SLC8A1: variants seen among roughly 807,000 people sequenced by gnomAD.
SLC8A1 encodes the protein solute carrier family 8 member A1.
A neutral mutation model predicts 68.3 loss-of-function variants in SLC8A1; 18 were observed. That is an observed-to-expected ratio of 0.26 (90% CI 0.18 to 0.39). SLC8A1 has a LOEUF of 0.39. SLC8A1 is among the 10% of genes least tolerant of loss of function. The pLI, the probability that SLC8A1 is intolerant of heterozygous loss-of-function variation, is 1.00. For missense variants in SLC8A1, 985 were observed against 1,156.7 expected, an observed-to-expected ratio of 0.85 and a Z score of 2.15; for synonymous variants, 475 against 415.5, an observed-to-expected ratio of 1.14 and a Z score of -1.74.
chr2:40,216,773 A>G (rs1242875250), intron 2 of SLC8A1, among the ~76,000 whole-genome samples: 1 of 152,072 alleles, frequency 6.6e-6, no homozygotes, highest in South Asian at 2.1e-4. Flanking sequence ...GCTTCTTTTC[A>G]TATTTTTGTT....
At chr2:40,108,581 ATTTCT>A (rs1337406306) in exon 8 of SLC8A1, 1 of 152,174 alleles carries the variant, frequency 6.6e-6, no homozygotes, top group African/African-American at 2.4e-5. Flanking sequence ...TCCTTGGAGT[ATTTCT>A]CAAACTTGAG....
chr2:40,213,446 A>G (rs2148793046), intron 2 of SLC8A1: 1 of 152,330 alleles, frequency 6.6e-6, no homozygotes, highest in Non-Finnish European at 1.5e-5. Flanking sequence ...ATCACCAGCA[A>G]CTAAATCTTG....
intron 2 of SLC8A1, among the ~76,000 whole-genome samples, chr2:40,276,034 G>A (rs1002018524): frequency 2.0e-5 from 3 of 152,206 alleles, no homozygotes; most frequent in African/African-American, 7.2e-5. Context: ...TCAAAAAGTG[G>A]TATGCAGCTA....
At chr2:40,445,049 G>A (rs1476655073) in intron 1 of SLC8A1, among the ~76,000 whole-genome samples, 2 of 152,152 alleles carry the variant, frequency 1.3e-5, no homozygotes, top group Non-Finnish European at 2.9e-5. Flanking sequence ...TCAGTAATGA[G>A]CTAACAGTTG....
At chr2:40,109,283 G>A (rs539328141) in exon 8 of SLC8A1, 12 of 152,100 alleles carry the variant, frequency 7.9e-5, no homozygotes, top group African/African-American at 2.7e-4. Context: ...TATCTGTTAC[G>A]TTTTTCTATG....
chr2:40,293,142 C>T (rs907201800), intron 2 of SLC8A1, among the ~76,000 whole-genome samples: 10 of 152,074 alleles, frequency 6.6e-5, no homozygotes, highest in African/African-American at 1.2e-4. Context: ...GCCTGAACAC[C>T]TAAGTTAACT....
intron 2 of SLC8A1, among the ~76,000 whole-genome samples, chr2:40,258,724 C>A (rs2064282507): frequency 6.6e-6 from 1 of 151,914 alleles, no homozygotes; most frequent in Non-Finnish European, 1.5e-5. Context: ...CACCTGTAAC[C>A]CTAGCTACAT....
intron 2 of SLC8A1, among the ~76,000 whole-genome samples, chr2:40,302,906 T>G (rs1254238538): frequency 6.6e-6 from 1 of 152,136 alleles, no homozygotes; most frequent in Admixed American, 6.6e-5. Context: ...ACCTTACTCC[T>G]GCAAGAATGG....
At chr2:40,440,315 G>C (rs920050678) in intron 1 of SLC8A1, among the ~76,000 whole-genome samples, 1 of 152,040 alleles carries the variant, frequency 6.6e-6, no homozygotes, top group Non-Finnish European at 1.5e-5. Context: ...TCACAAAGGT[G>C]GTCCTAAAAG....
At chr2:40,336,274 T>C (rs924593538) in intron 2 of SLC8A1, among the ~76,000 whole-genome samples, 6 of 152,178 alleles carry the variant, frequency 3.9e-5, no homozygotes, top group African/African-American at 1.4e-4. Context: ...GGGAAACATA[T>C]TTATATCACA....
intron 2 of SLC8A1, among the ~76,000 whole-genome samples, chr2:40,226,025 G>T (rs901351396): frequency 2.0e-5 from 3 of 152,054 alleles, no homozygotes; most frequent in Non-Finnish European, 4.4e-5. Flanking sequence ...TTCTGCACAG[G>T]CTTGTGATGA....
intron 2 of SLC8A1, among the ~76,000 whole-genome samples, chr2:40,359,669 T>G (rs1432858183): frequency 6.6e-6 from 1 of 152,086 alleles, no homozygotes; most frequent in African/African-American, 2.4e-5. Context: ...TAGTAATGAA[T>G]TGAGTATGTT....
At chr2:40,450,045 T>C (rs1157718572) in intron 1 of SLC8A1, among the ~76,000 whole-genome samples, 1 of 152,156 alleles carries the variant, frequency 6.6e-6, no homozygotes, top group Non-Finnish European at 1.5e-5. Context: ...AGAGCACACA[T>C]CTTGCCTCTT....
At chr2:40,387,373 G>C (rs1683889017) in intron 2 of SLC8A1, among the ~76,000 whole-genome samples, 1 of 151,336 alleles carries the variant, frequency 6.6e-6, no homozygotes, top group African/African-American at 2.5e-5. Flanking sequence ...ATTCACACAG[G>C]GGTAGGATGG....
chr2:40,373,768 G>A (rs1205971635), intron 2 of SLC8A1, among the ~76,000 whole-genome samples: 1 of 152,038 alleles, frequency 6.6e-6, no homozygotes, highest in African/African-American at 2.4e-5. Flanking sequence ...AAGGCTTAAT[G>A]GCAGGTGGCA....
chr2:40,173,957 A>G (rs529893407), intron 4 of SLC8A1, among the ~76,000 whole-genome samples: 20 of 152,318 alleles, frequency 1.3e-4, no homozygotes, highest in African/African-American at 4.8e-4. Context: ...TGTACACAAG[A>G]ATATAGTTTT....
intron 1 of SLC8A1, among the ~76,000 whole-genome samples, chr2:40,439,720 C>T (rs1271705103): frequency 6.6e-6 from 1 of 152,096 alleles, no homozygotes; most frequent in Non-Finnish European, 1.5e-5. Flanking sequence ...ATCCTATCAA[C>T]TTGAGGTTTT....
At chr2:40,244,463 G>T (rs1161898859) in intron 2 of SLC8A1, among the ~76,000 whole-genome samples, 7 of 150,758 alleles carry the variant, frequency 4.6e-5, no homozygotes, top group Admixed American at 3.3e-4. Context: ...AGGGGAAGAC[G>T]TTACTCTGAT....
intron 2 of SLC8A1, among the ~76,000 whole-genome samples, chr2:40,376,680 A>G (rs1256975935): frequency 6.6e-6 from 1 of 152,128 alleles, no homozygotes; most frequent in Non-Finnish European, 1.5e-5. Context: ...TCACTTAGCC[A>G]GTGGAGGCCC....
Sources: allele counts gnomAD v4.1 joint callset (sites outside exome capture counted in the v4.1 genomes callset), GRCh38; gene constraint gnomAD v4.1.1; transcripts MANE v1.5; gene names NCBI Gene and HGNC (gene_info 2026-07-23, HGNC 2026-07-21).